Variants in RABEP1 observed in about 807,000 individuals in gnomAD.
The protein encoded by RABEP1 is rab GTPase-binding effector protein 1.
A neutral mutation model predicts 123.4 loss-of-function variants in RABEP1; 51 were observed. That is an observed-to-expected ratio of 0.41 (90% CI 0.33 to 0.52). The LOEUF (loss-of-function observed/expected upper bound fraction) is 0.52, where lower values mean the gene tolerates loss of function less well. Ranked by LOEUF, RABEP1 falls within the 20% of genes least tolerant of loss-of-function variation. The pLI is 0.16. For missense variants in RABEP1, 888 were observed against 996.3 expected, an observed-to-expected ratio of 0.89 and a Z score of 1.46; for synonymous variants, 347 against 355.2, an observed-to-expected ratio of 0.98 and a Z score of 0.26.
At chr17:5,371,446 T>C (rs1361916986) in intron 12 of RABEP1, 1 of 152,224 alleles carries the variant, frequency 6.6e-6, no homozygotes, top group Non-Finnish European at 1.5e-5. Context: ...TATTTTTGGC[T>C]TATCCTTCTG....
At chr17:5,377,528 T>A (rs1226138942) in intron 14 of RABEP1, among the ~76,000 whole-genome samples, 1 of 147,728 alleles carries the variant, frequency 6.8e-6, no homozygotes, top group Non-Finnish European at 1.5e-5. Context: ...AAATTTTTTT[T>A]TTTTTTTTTT....
chr17:5,386,191 C>T lies in RABEP1; in HGVS notation c.*2968C>T. The T allele has an allele frequency of 6.2e-7, 1 of 1,606,364 alleles. No homozygotes were observed. Among genetic ancestry groups the T allele is most frequent in the Non-Finnish European group, 8.5e-7 (1 of 1,174,590 alleles). On this transcript the variant is annotated 3_prime_UTR_variant, in exon 18 of 18. Coordinates refer to ENST00000537505, the MANE Select transcript of RABEP1 (RefSeq NM_004703.6). ...AATGGTGTTCAGTTCAGGTGTGAGTCAGCTCCTGGTGGTGTCAGAAGTTTA... is the reference window on the plus strand; with the variant it reads ...AATGGTGTTCAGTTCAGGTGTGAGTTAGCTCCTGGTGGTGTCAGAAGTTTA...
intron 5 of RABEP1, among the ~76,000 whole-genome samples, chr17:5,338,682 A>G (rs1907313451): frequency 6.6e-6 from 1 of 152,232 alleles, no homozygotes; most frequent in Non-Finnish European, 1.5e-5. Flanking sequence ...GCTTTGTCAC[A>G]AAGTTAATGT....
At chr17:5,328,057 G>A (rs1262740751) in intron 2 of RABEP1, among the ~76,000 whole-genome samples, 1 of 152,192 alleles carries the variant, frequency 6.6e-6, no homozygotes, top group Non-Finnish European at 1.5e-5. Flanking sequence ...GTTATCAACA[G>A]TCAACAATGT....
At chr17:5,343,628 T>A (rs1907802515) in intron 5 of RABEP1, among the ~76,000 whole-genome samples, 1 of 150,154 alleles carries the variant, frequency 6.7e-6, no homozygotes. Context: ...ACCCACTCTC[T>A]CCACCTTGTT....
intron 8 of RABEP1, among the ~76,000 whole-genome samples, chr17:5,354,858 A>G (rs908606032): frequency 2.0e-5 from 3 of 152,186 alleles, no homozygotes; most frequent in African/African-American, 7.2e-5. Context: ...GAAATGCTTA[A>G]CTCCCTGTAG....
intron 5 of RABEP1, among the ~76,000 whole-genome samples, chr17:5,346,211 G>A (rs1453915933): frequency 6.6e-6 from 1 of 152,060 alleles, no homozygotes; most frequent in African/African-American, 2.4e-5. Flanking sequence ...GGCAAGATGT[G>A]ATTTTAAAAA....
chr17:5,295,380 T>C (rs1278550707), intron 1 of RABEP1, among the ~76,000 whole-genome samples: 10 of 143,608 alleles, frequency 7.0e-5, no homozygotes, highest in Non-Finnish European at 1.5e-5. Flanking sequence ...CAGAGGAAGA[T>C]TCCGTCTCAA....
intron 9 of RABEP1, 121 bp downstream of exon 9, chr17:5,361,796 A>G (rs896019734): frequency 3.7e-6 from 3 of 801,048 alleles, no homozygotes; most frequent in African/African-American, 1.7e-5. Context: ...GTTGCCAGCA[A>G]GTGGATATTA....
chr17:5,294,631 G>GTTTTTTTT (rs1355713572), intron 1 of RABEP1, among the ~76,000 whole-genome samples: 1 of 50,124 alleles, frequency 2.0e-5, no homozygotes, highest in Non-Finnish European at 4.8e-5. Flanking sequence ...AAACGGTATT[G>GTTTTTTTT]TCTTTTTTTT....
At chr17:5,334,839 A>G (rs1340838296) in intron 3 of RABEP1, among the ~76,000 whole-genome samples, 4 of 152,200 alleles carry the variant, frequency 2.6e-5, no homozygotes, top group South Asian at 2.1e-4. Context: ...GAGCCATAGT[A>G]TAGTGTCTAA....
rs767215053 is a variant in RABEP1 at position 5,380,353 on chromosome 17, C to A, written c.2272-11C>A. Reference sequence around the variant, plus strand: ...AGTTTCTGTGAGTTTCAGCTTTTTCCTTTTTCACAGTTGGAGTCCACATTA... The same window carrying A: ...AGTTTCTGTGAGTTTCAGCTTTTTCATTTTTCACAGTTGGAGTCCACATTA... On this transcript the variant is annotated splice_polypyrimidine_tract_variant and intron_variant, in intron 15 of 17. Transcript: ENST00000537505. 21 of 1,533,126 alleles carry A rather than the reference C, an allele frequency of 1.4e-5. No homozygotes were observed. Among genetic ancestry groups the A allele is most frequent in the African/African-American group, 2.8e-5 (2 of 72,336 alleles). 95.0% of individuals were successfully genotyped at this position (1,533,126 alleles called of 1,614,324 possible). A position where few individuals can be genotyped will look rare whatever the true frequency, so the allele number is the denominator to read the frequency against.
At chr17:5,373,753 C>T (rs761143665) in intron 13 of RABEP1, among the ~76,000 whole-genome samples, 29 of 145,248 alleles carry the variant, frequency 2.0e-4, no homozygotes, top group South Asian at 1.7e-3. Flanking sequence ...AGTAACACTT[C>T]GCCCTTTAGC....
chr17:5,383,731 T>C lies in RABEP1; in HGVS notation c.*508T>C, dbSNP rs1911698478. On this transcript the variant is annotated 3_prime_UTR_variant, in exon 18 of 18. Transcript: ENST00000537505. ...GGTTTGAGAGCAGGCCATTGGCTAC[T>C]GACTGTATTTTGTTTTCCTTTTACC... 1.1e-5 allele frequency: 1 copy of C among 87,132 alleles called. No homozygotes were observed. Among genetic ancestry groups the C allele is most frequent in the Non-Finnish European group, 1.8e-5 (1 of 56,490 alleles). 5.4% of individuals were successfully genotyped at this position (87,132 alleles called of 1,614,324 possible).
rs1426604996 is a variant in RABEP1, at chr17:5,362,907, T to G, written c.1564-5T>G. 1.9e-6 allele frequency: 3 copies of G among 1,606,216 alleles called. No individual in the cohort carries two copies. In the South Asian group the frequency reaches 3.3e-5, roughly 18 times the overall value. On this transcript the variant is annotated splice_polypyrimidine_tract_variant and splice_region_variant and intron_variant, in intron 9 of 17. Coordinates refer to ENST00000537505, the MANE Select transcript of RABEP1 (RefSeq NM_004703.6). The stretch of plus-strand genomic sequence containing the variant: ...CTGATAAGAGGTAATTTTGGTGCCC[T>G]TCAGGTACATAATGCTGGAAATAAA...
intron 17 of RABEP1, among the ~76,000 whole-genome samples, chr17:5,382,375 C>T (rs1039274747): frequency 5.3e-5 from 8 of 151,716 alleles, no homozygotes; most frequent in Non-Finnish European, 1.0e-4. Flanking sequence ...AGCCACCGTG[C>T]CCGGACTGGA....
intron 8 of RABEP1, chr17:5,360,972 TGAAGCC>T: frequency 4.0e-6 from 2 of 502,238 alleles, no homozygotes; most frequent in African/African-American, 1.9e-5. Context: ...TTTTTTTTTT[TGAAGCC>T]GTATGTATCT....
rs150320230 is a variant in RABEP1, at chr17:5,382,669, T to C, written c.2488-453T>C. 7.1e-3 allele frequency among the ~76,000 whole-genome samples: 1,075 copies of C among 152,132 alleles called. 7 individuals are homozygous for C. The highest frequency in any genetic ancestry group is 0.012 in the Non-Finnish European group (812 of 67,992). ...TGGGAGGCTGAGACAGGAGAATTGCTTGAACCCGGGAAGTGGAGGTTGCAG... is the reference window on the plus strand; with the variant it reads ...TGGGAGGCTGAGACAGGAGAATTGCCTGAACCCGGGAAGTGGAGGTTGCAG... On this transcript the variant is annotated intron_variant, in intron 17 of 17. Coordinates refer to ENST00000537505, the MANE Select transcript of RABEP1 (RefSeq NM_004703.6).
Position 5,316,832 on chromosome 17 carries a change from CAAAA to C in RABEP1, c.163+8031_163+8034del, listed in dbSNP as rs55890740. On this transcript the variant is annotated intron_variant, in intron 2 of 17. Coordinates refer to ENST00000537505, the MANE Select transcript of RABEP1 (RefSeq NM_004703.6). Reference sequence around the variant, plus strand: ...TCGGTGACAGAGCAAGACTCTGTCTCAAAAAAAAAAAAAAAAAAAAAAAATATAA... The same window carrying C: ...TCGGTGACAGAGCAAGACTCTGTCTCAAAAAAAAAAAAAAAAAAAATATAA... Among the ~76,000 whole-genome samples, 238 of 67,196 alleles carry C rather than the reference CAAAA, an allele frequency of 3.5e-3. 1 individual carries two copies. The highest frequency in any genetic ancestry group is 7.7e-3 in the East Asian group (16 of 2,078). 44.1% of individuals were successfully genotyped at this position (67,196 alleles called of 152,430 possible). A position where few individuals can be genotyped will look rare whatever the true frequency, so the allele number is the denominator to read the frequency against.
Sources: gnomAD v4.1 joint callset for allele counts (sites outside exome capture counted in the v4.1 genomes callset) on GRCh38, gnomAD v4.1.1 for gene constraint, MANE v1.5 for transcripts, NCBI Gene and HGNC (gene_info 2026-07-23, HGNC 2026-07-21) for gene names.